Variants in EPHA5 observed in about 807,000 individuals in gnomAD.
EPHA5 encodes the protein ephrin type-A receptor 5.
In EPHA5, 60 loss-of-function variants were observed where a neutral mutation model predicts 105.0. The observed-to-expected ratio is 0.57, with a 90% CI of 0.46 to 0.71. The LOEUF (loss-of-function observed/expected upper bound fraction) is 0.71, where lower values mean the gene tolerates loss of function less well. Among genes scored for constraint, EPHA5 ranks in the 30% least tolerant of loss-of-function variants. The pLI is 0.00. For synonymous variants in EPHA5, 513 were observed against 449.1 expected (o/e 1.14, Z -1.80); for missense variants, 1,218 against 1,274.7 (o/e 0.96, Z 0.68).
intron 5 of EPHA5, among the ~76,000 whole-genome samples, chr4:65,424,498 T>C (rs562998315): frequency 6.6e-6 from 1 of 152,202 alleles, no homozygotes; most frequent in African/African-American, 2.4e-5. Flanking sequence ...GTTGACATCT[T>C]ATTCTTCAGG....
chr4:65,537,184 G>A (rs1487168370), intron 3 of EPHA5, among the ~76,000 whole-genome samples: 3 of 151,754 alleles, frequency 2.0e-5, no homozygotes, highest in African/African-American at 7.3e-5. Context: ...TAGGATATGG[G>A]CCACTTATTT....
intron 3 of EPHA5, among the ~76,000 whole-genome samples, chr4:65,595,843 G>A: frequency 6.6e-6 from 1 of 152,078 alleles, no homozygotes; most frequent in Non-Finnish European, 1.5e-5. Flanking sequence ...GCCTCCCAAA[G>A]TGCTGGGATT....
At chr4:65,443,672 G>C (rs968178527) in intron 5 of EPHA5, among the ~76,000 whole-genome samples, 34 of 152,036 alleles carry the variant, frequency 2.2e-4, no homozygotes, top group African/African-American at 8.2e-4. Context: ...ACAATTACTA[G>C]AGCAGTAATA....
At chr4:65,396,946 G>T (rs753237387) in intron 8 of EPHA5, among the ~76,000 whole-genome samples, 40 of 152,130 alleles carry the variant, frequency 2.6e-4, no homozygotes, top group Non-Finnish European at 5.1e-4. Context: ...GGAGACACAA[G>T]AAAAAGGGAG....
intron 5 of EPHA5, among the ~76,000 whole-genome samples, chr4:65,476,404 CA>C (rs202108966): frequency 1.1e-4 from 17 of 151,042 alleles, no homozygotes; most frequent in Non-Finnish European, 1.8e-4. Context: ...TACACAGCCA[CA>C]AAAAAAACAA....
chr4:65,504,012 A>G (rs1732757029), intron 3 of EPHA5, among the ~76,000 whole-genome samples: 1 of 151,542 alleles, frequency 6.6e-6, no homozygotes, highest in African/African-American at 2.4e-5. Context: ...GTATATATGT[A>G]ATATAAATGG....
In EPHA5 at chr4:65,602,317, A is replaced by G. The variant is rs185829261; in HGVS notation, c.247-13T>C. On this transcript the variant is annotated splice_polypyrimidine_tract_variant and intron_variant, in intron 2 of 16. Coordinates refer to ENST00000613740, the MANE Select transcript of EPHA5 (RefSeq NM_001281766.3). ...CAATCTCTTCCCACTGTACAATATA[A>G]AATAGAAAGATAAAAAAAATTCAAA... 127 of 1,426,570 alleles carry G rather than the reference A, an allele frequency of 8.9e-5. No homozygotes were observed. The African/African-American group carries it at 2.1e-3, about 24-fold the overall frequency. 88.4% of individuals were successfully genotyped at this position (1,426,570 alleles called of 1,614,324 possible).
At chr4:65,404,545 G>T in intron 7 of EPHA5, 66 bp from the exon 8 acceptor site, 2 of 1,407,262 alleles carry the variant, frequency 1.4e-6, no homozygotes, top group Admixed American at 1.8e-5. Context: ...AATAAAAGTT[G>T]CTTAATAGAC....
At chr4:65,578,794 T>C (rs1741321439) in intron 3 of EPHA5, among the ~76,000 whole-genome samples, 1 of 152,082 alleles carries the variant, frequency 6.6e-6, no homozygotes, top group African/African-American at 2.4e-5. Flanking sequence ...AAAGAAAATA[T>C]GGGAGAATAA....
intron 3 of EPHA5, among the ~76,000 whole-genome samples, chr4:65,497,964 T>C (rs1411241933): frequency 6.6e-6 from 1 of 151,844 alleles, no homozygotes; most frequent in African/African-American, 2.4e-5. Context: ...TTATAAATAT[T>C]ACTACACCAG....
In EPHA5 at chr4:65,436,786, C is replaced by T. The variant is rs534287650; in HGVS notation, c.1403-16221G>A. Among the ~76,000 whole-genome samples the T allele has an allele frequency of 2.0e-5, 3 of 152,120 alleles. No individual in the cohort carries two copies. In the South Asian group the frequency reaches 6.2e-4, roughly 31 times the overall value. ...AGACCACTTATCCATCACTAACTTG[C>T]ACCTACTGGTATGTGAACAGTTTAA... is the stretch of plus-strand genomic sequence containing the variant. On this transcript the variant is annotated intron_variant, in intron 5 of 16. Transcript: ENST00000613740.
rs534676286 is a variant in EPHA5, at chr4:65,359,134, TA to T, written c.2173+5882del. Among the ~76,000 whole-genome samples the T allele has an allele frequency of 4.2e-4, 64 of 151,688 alleles. No individual in the cohort carries two copies. In the South Asian group the frequency reaches 0.013, roughly 30 times the overall value. ...CAGCAAATCTCTTTCTATAAACCTATATTTTTTTCAGATGATTGAGATTTAG... is the reference window on the plus strand; with the variant it reads ...CAGCAAATCTCTTTCTATAAACCTATTTTTTTTCAGATGATTGAGATTTAG... On this transcript the variant is annotated intron_variant, in intron 11 of 16. Transcript: ENST00000613740.
chr4:65,335,865 T>A lies in EPHA5; in HGVS notation c.2789+67A>T, dbSNP rs150534286. On this transcript the variant is annotated intron_variant, in intron 15 of 16. Transcript: ENST00000613740. ...GTCTATACGAGAATGATTTAATTGA[T>A]AAAATATTTGTGACATCAATCTGAG... 9.9e-5 allele frequency: 144 copies of A among 1,451,328 alleles called. No homozygotes were observed. The East Asian group carries it at 3.3e-3, about 33-fold the overall frequency. The allele number at this position is 1,451,328 out of a possible 1,614,324, so 89.9% of individuals were successfully genotyped here.
At chr4:65,560,413 C>T (rs750144768) in intron 3 of EPHA5, among the ~76,000 whole-genome samples, 12 of 152,026 alleles carry the variant, frequency 7.9e-5, no homozygotes, top group Non-Finnish European at 1.2e-4. Flanking sequence ...CCATAAGAAA[C>T]GGATATTTTT....
intron 5 of EPHA5, among the ~76,000 whole-genome samples, chr4:65,460,516 A>G (rs1728022527): frequency 6.6e-6 from 1 of 151,406 alleles, no homozygotes. Context: ...CTCAGTAACT[A>G]TTATTTATAA....
At chr4:65,584,531 C>A (rs1470939585) in intron 3 of EPHA5, among the ~76,000 whole-genome samples, 2 of 151,728 alleles carry the variant, frequency 1.3e-5, no homozygotes, top group African/African-American at 4.8e-5. Flanking sequence ...ATCAACTTTT[C>A]CTTTATGACA....
intron 3 of EPHA5, among the ~76,000 whole-genome samples, chr4:65,551,820 T>C (rs897881152): frequency 2.0e-5 from 3 of 152,226 alleles, no homozygotes; most frequent in African/African-American, 4.8e-5. Context: ...ACTCCAATAC[T>C]GTAGCTATTA....
chr4:65,402,228 G>A (rs1721915744), intron 8 of EPHA5, among the ~76,000 whole-genome samples: 1 of 151,956 alleles, frequency 6.6e-6, no homozygotes, highest in Non-Finnish European at 1.5e-5. Flanking sequence ...CCCCCTCCAT[G>A]TGGAACTATG....
intron 3 of EPHA5, among the ~76,000 whole-genome samples, chr4:65,593,502 A>G (rs1480469778): frequency 6.6e-6 from 1 of 152,184 alleles, no homozygotes; most frequent in Admixed American, 6.5e-5. Context: ...ATCACCAAGG[A>G]ATGTGCTAAA....
Sources: gnomAD v4.1 joint callset for allele counts (sites outside exome capture counted in the v4.1 genomes callset) on GRCh38, gnomAD v4.1.1 for gene constraint, MANE v1.5 for transcripts, NCBI Gene and HGNC (gene_info 2026-07-23, HGNC 2026-07-21) for gene names.